Variants in TMEM135 observed in about 807,000 individuals in gnomAD.
TMEM135 encodes the protein peroxisomal membrane protein 52.
TMEM135 carries 30 observed loss-of-function variants against 60.3 expected under a neutral mutation model. The ratio of observed to expected loss-of-function variants is 0.50; its 90% confidence interval spans 0.37 to 0.68. The LOEUF (loss-of-function observed/expected upper bound fraction) is 0.68. Among genes scored for constraint, TMEM135 ranks in the 30% least tolerant of loss-of-function variants. TMEM135 has a pLI of 0.00. For synonymous variants in TMEM135, 190 were observed against 186.7 expected, an observed-to-expected ratio of 1.02 and a Z score of -0.14; for missense variants, 468 against 548.8, an observed-to-expected ratio of 0.85 and a Z score of 1.47.
In TMEM135 at chr11:87,327,008, A is replaced by G; in HGVS notation, c.*5675A>G. On this transcript the variant is annotated 3_prime_UTR_variant, in exon 15 of 15. Coordinates refer to ENST00000305494, the MANE Select transcript of TMEM135 (RefSeq NM_022918.4). ...CATTGTTAATTGCTCAACTAGTGGC[A>G]GTTTTTCCTTGCTGAGGGAACACTG... 2.2e-6 allele frequency: 1 copy of G among 452,456 alleles called. No individual in the cohort carries two copies. Among genetic ancestry groups the G allele is most frequent in the South Asian group, 1.6e-5 (1 of 64,414 alleles). The allele number at this position is 452,456 out of a possible 1,614,324, so 28.0% of individuals were successfully genotyped here.
At chr11:87,190,063 A>T (rs1333318083) in intron 5 of TMEM135, among the ~76,000 whole-genome samples, 1 of 152,224 alleles carries the variant, frequency 6.6e-6, no homozygotes, top group Non-Finnish European at 1.5e-5. Context: ...CTGCTTTATG[A>T]TACTTTTGAA....
chr11:87,067,871 A>G, intron 2 of TMEM135, 50 bp downstream of exon 2: 2 of 1,605,526 alleles, frequency 1.2e-6, no homozygotes, highest in South Asian at 1.1e-5. Flanking sequence ...TTCTATTGAA[A>G]TGGAAACAAG....
intron 3 of TMEM135, among the ~76,000 whole-genome samples, chr11:87,083,994 A>G (rs572690750): frequency 6.6e-5 from 10 of 152,086 alleles, no homozygotes; most frequent in Non-Finnish European, 1.2e-4. Context: ...TAGGATATAT[A>G]CATATTTAGA....
intron 6 of TMEM135, among the ~76,000 whole-genome samples, chr11:87,270,248 C>T (rs1248743364): frequency 1.3e-5 from 2 of 150,848 alleles, no homozygotes; most frequent in Admixed American, 1.3e-4. Context: ...GATATTAGCC[C>T]TTTGTCAGAT....
At position 87,319,133 on chromosome 11, in the gene TMEM135, T is replaced by C. The variant is rs977158797; in HGVS notation, c.1177-177T>C. The stretch of plus-strand genomic sequence containing the variant: ...ATCTGCCCGCCTCGGCCTCCCCAAG[T>C]GCTGAGATTACAGGTGTGAGCCACC... On this transcript the variant is annotated intron_variant, in intron 13 of 14. Transcript: ENST00000305494. 9.9e-6 allele frequency: 6 copies of C among 604,846 alleles called. No homozygotes were observed. The South Asian group carries it at 9.9e-5, about 10-fold the overall frequency. 37.5% of individuals were successfully genotyped at this position (604,846 alleles called of 1,614,324 possible). A position where few individuals can be genotyped will look rare whatever the true frequency, so the allele number is the denominator to read the frequency against.
At chr11:87,220,205 A>C (rs191190241) in intron 5 of TMEM135, among the ~76,000 whole-genome samples, 1 of 152,336 alleles carries the variant, frequency 6.6e-6, no homozygotes. Flanking sequence ...ATTGTATACC[A>C]GGAACCACCT....
At position 87,323,115 on chromosome 11, in the gene TMEM135, A is replaced by G. The variant is rs1942854536; in HGVS notation, c.*1782A>G. 2.2e-6 allele frequency: 1 copy of G among 453,616 alleles called. No individual in the cohort carries two copies. The highest frequency in any genetic ancestry group is 4.4e-6 in the Non-Finnish European group (1 of 226,624). The allele number at this position is 453,616 out of a possible 1,614,324, so 28.1% of individuals were successfully genotyped here. A position where few individuals can be genotyped will look rare whatever the true frequency, so the allele number is the denominator to read the frequency against. On this transcript the variant is annotated 3_prime_UTR_variant, in exon 15 of 15. Coordinates refer to ENST00000305494, the MANE Select transcript of TMEM135 (RefSeq NM_022918.4). ...TTTTAATTCATAAATTATTGTTTTCATTGACATTAAAAGACTGTGATATTG... is the reference window on the plus strand; with the variant it reads ...TTTTAATTCATAAATTATTGTTTTCGTTGACATTAAAAGACTGTGATATTG...
At chr11:87,302,884 G>C (rs192680955) in intron 8 of TMEM135, among the ~76,000 whole-genome samples, 12 of 152,200 alleles carry the variant, frequency 7.9e-5, no homozygotes, top group African/African-American at 2.9e-4. Context: ...TTCTCAAACT[G>C]AAATGTTTTT....
At chr11:87,295,733 T>TTGAATAGGTACAAAAATTGAATAG in intron 6 of TMEM135, 49 bp from the exon 7 acceptor site, 1 of 1,495,008 alleles carries the variant, frequency 6.7e-7, no homozygotes. Context: ...AATAGGTACT[T>TTGAATAGGTACAAAAATTGAATAG]GTATCTCAAA....
At chr11:87,118,541 C>T (rs528214357) in intron 4 of TMEM135, among the ~76,000 whole-genome samples, 2 of 152,012 alleles carry the variant, frequency 1.3e-5, no homozygotes, top group Admixed American at 6.6e-5. Context: ...CTCCACCTCC[C>T]GGGTTCAAGT....
chr11:87,193,115 A>G (rs1939854750), intron 5 of TMEM135, among the ~76,000 whole-genome samples: 2 of 151,906 alleles, frequency 1.3e-5, no homozygotes, highest in Non-Finnish European at 2.9e-5. Flanking sequence ...AAAAAAAAAA[A>G]TTGTCATTTT....
chr11:87,312,312 G>A (rs1027572800), intron 10 of TMEM135, among the ~76,000 whole-genome samples: 3 of 151,112 alleles, frequency 2.0e-5, no homozygotes, highest in African/African-American at 4.9e-5. Context: ...CATTTTTAAT[G>A]TATCAGCCAA....
At position 87,283,794 on chromosome 11, in the gene TMEM135, G is replaced by T. The variant is rs536155837; in HGVS notation, c.510-11988G>T. Among the ~76,000 whole-genome samples the T allele has an allele frequency of 9.9e-5, 15 of 152,258 alleles. No homozygotes were observed. The South Asian group carries it at 2.7e-3, about 27-fold the overall frequency. On this transcript the variant is annotated intron_variant, in intron 6 of 14. Coordinates refer to ENST00000305494, the MANE Select transcript of TMEM135 (RefSeq NM_022918.4). The stretch of plus-strand genomic sequence containing the variant: ...ACTGGCTTGAACTTGGGTGGTGGAG[G>T]TTGCAGTGAGCCGAGATCGCGTCAT...
At chr11:87,288,948 G>A (rs559642550) in intron 6 of TMEM135, among the ~76,000 whole-genome samples, 1 of 152,324 alleles carries the variant, frequency 6.6e-6, no homozygotes, top group Admixed American at 6.5e-5. Flanking sequence ...AACATAGGGA[G>A]ATCCCATCTT....
At chr11:87,078,787 T>C (rs1433134689) in intron 3 of TMEM135, among the ~76,000 whole-genome samples, 2 of 104,794 alleles carry the variant, frequency 1.9e-5, no homozygotes, top group African/African-American at 8.9e-5. Context: ...CTAATTTTTG[T>C]ATTTCTTTTT....
intron 6 of TMEM135, among the ~76,000 whole-genome samples, chr11:87,249,757 A>G (rs894339438): frequency 1.3e-5 from 2 of 152,012 alleles, no homozygotes; most frequent in African/African-American, 4.8e-5. Flanking sequence ...TGTTCATCAG[A>G]TATATTGACC....
At chr11:87,184,841 T>C (rs141635402) in intron 5 of TMEM135, among the ~76,000 whole-genome samples, 124 of 152,322 alleles carry the variant, frequency 8.1e-4, no homozygotes, top group African/African-American at 2.9e-3. Context: ...TTAACACACG[T>C]TGGTTTACCT....
chr11:87,318,521 C>A (rs1942769234), intron 13 of TMEM135, among the ~76,000 whole-genome samples: 1 of 150,560 alleles, frequency 6.6e-6, no homozygotes. Context: ...GGAAGAATGC[C>A]CCAATTTAAT....
intron 1 of TMEM135, 139 bp downstream of exon 1, chr11:87,038,325 G>T: frequency 1.3e-6 from 1 of 757,506 alleles, no homozygotes; most frequent in Non-Finnish European, 2.1e-6. Flanking sequence ...GTTTTGGGGG[G>T]TCGGTAGGGG....
Sources: gnomAD v4.1 joint callset for allele counts (sites outside exome capture counted in the v4.1 genomes callset) on GRCh38, gnomAD v4.1.1 for gene constraint, MANE v1.5 for transcripts, NCBI Gene and HGNC (gene_info 2026-07-23, HGNC 2026-07-21) for gene names.